The following PCLO variants were observed in gnomAD, a reference collection of about 807,000 sequenced individuals.
The protein encoded by PCLO is protein piccolo.
Under a neutral mutation model 427.5 loss-of-function variants are expected in PCLO, and 82 were observed. The ratio of observed to expected loss-of-function variants is 0.19; its 90% CI spans 0.16 to 0.23. PCLO has a LOEUF of 0.23. Among genes scored for constraint, PCLO ranks in the 10% least tolerant of loss-of-function variants. The pLI, the probability that PCLO is intolerant of heterozygous loss-of-function variation, is 1.00. For synonymous variants in PCLO, 2,357 were observed against 2,155.4 expected, an observed-to-expected ratio of 1.09 and a Z score of -2.59; for missense variants, 6,239 against 6,115.9, an observed-to-expected ratio of 1.02 and a Z score of -0.67.
In PCLO at chr7:83,133,365, A is replaced by G. The variant is rs983665478; in HGVS notation, c.3300+885T>C. 3.3e-5 allele frequency among the ~76,000 whole-genome samples: 5 copies of G among 151,980 alleles called. No homozygotes were observed. In the East Asian group the frequency reaches 9.6e-4, roughly 29 times the overall value. On this transcript the variant is annotated intron_variant, in intron 3 of 24. Transcript: ENST00000333891. The stretch of plus-strand genomic sequence containing the variant: ...AGATTAATTCCCAGACTGTTTATTA[A>G]AACATTGTTGTTACTTATTTAAGAC...
At chr7:83,066,476 G>A (rs547314194) in intron 3 of PCLO, among the ~76,000 whole-genome samples, 2 of 152,136 alleles carry the variant, frequency 1.3e-5, no homozygotes, top group South Asian at 4.1e-4. Flanking sequence ...ATAAATACAA[G>A]TTGAAGAAAA....
intron 3 of PCLO, among the ~76,000 whole-genome samples, chr7:83,131,575 T>G (rs1317832539): frequency 1.3e-5 from 2 of 152,144 alleles, no homozygotes; most frequent in African/African-American, 2.4e-5. Flanking sequence ...GAAGCTTGTA[T>G]TAGAGAGTTG....
At chr7:83,016,523 C>CA (rs1309147190) in intron 3 of PCLO, among the ~76,000 whole-genome samples, 1 of 151,940 alleles carries the variant, frequency 6.6e-6, no homozygotes, top group Non-Finnish European at 1.5e-5. Flanking sequence ...ACCTTGGCTT[C>CA]AAAGGAAGGT....
intron 3 of PCLO, among the ~76,000 whole-genome samples, chr7:82,999,858 T>TAA (rs1424219092): frequency 0.012 from 195 of 16,692 alleles, 63 homozygotes; most frequent in Middle Eastern, 0.029. Flanking sequence ...TATATAATAT[T>TAA]ATATAAAATA....
chr7:82,789,598 G>A (rs1182535441), intron 22 of PCLO, among the ~76,000 whole-genome samples: 3 of 152,074 alleles, frequency 2.0e-5, no homozygotes, highest in South Asian at 2.1e-4. Flanking sequence ...CCAGCTACTC[G>A]GGAGGCTGAG....
chr7:82,999,694 T>C (rs1365446786), intron 3 of PCLO, among the ~76,000 whole-genome samples: 1 of 84,434 alleles, frequency 1.2e-5, no homozygotes, highest in African/African-American at 4.7e-5. Context: ...TAAAATAATA[T>C]ATAATATTAA....
chr7:83,077,098 T>C (rs897268268), intron 3 of PCLO, among the ~76,000 whole-genome samples: 1 of 152,114 alleles, frequency 6.6e-6, no homozygotes, highest in Non-Finnish European at 1.5e-5. Flanking sequence ...AATTCTTTCT[T>C]TTTGACTAAA....
chr7:82,761,753 G>T (rs1382341849), intron 22 of PCLO, among the ~76,000 whole-genome samples: 1 of 149,188 alleles, frequency 6.7e-6, no homozygotes, highest in Admixed American at 6.6e-5. Context: ...TACAGTCCAT[G>T]CCCTTAAGCC....
intron 16 of PCLO, among the ~76,000 whole-genome samples, chr7:82,830,346 G>A (rs1018185516): frequency 3.3e-5 from 5 of 151,668 alleles, no homozygotes; most frequent in African/African-American, 1.2e-4. Context: ...TTTTGATGGT[G>A]ACTTAGAACT....
At chr7:83,038,030 T>TAA (rs1562932988) in intron 3 of PCLO, among the ~76,000 whole-genome samples, 1 of 35,664 alleles carries the variant, frequency 2.8e-5, no homozygotes, top group African/African-American at 2.1e-4. Context: ...TATATATATA[T>TAA]TTATATATTT....
Position 82,916,012 on chromosome 7 carries a change from A to G in PCLO, c.11974T>C (p.Ser3992Pro). ...GAAACAGCAAATGTGTTATCCGTAG[A>G]AACAGGTGCTATCATAAGGGGTTGG... ...RNQPLMIAPV[S>P]TDNTFAVSHL... is the part of the protein sequence containing the mutation. Residue 3992 changes from serine to proline, a missense_variant, in exon 7 of 25, where the codon TCT (serine) becomes CCT (proline). Transcript: ENST00000333891. 6.2e-7 allele frequency: 1 copy of G among 1,612,886 alleles called. No individual in the cohort carries two copies. The highest frequency in any genetic ancestry group is 8.5e-7 in the Non-Finnish European group (1 of 1,179,792).
At position 82,952,768 on chromosome 7, in the gene PCLO, C is replaced by T; in HGVS notation, c.8185G>A (p.Asp2729Asn). The T allele has an allele frequency of 6.2e-7, 1 of 1,613,412 alleles. No homozygotes were observed. Among genetic ancestry groups the T allele is most frequent in the Non-Finnish European group, 8.5e-7 (1 of 1,179,572 alleles). ...GKLQLVGDVIDLRTVPKVEVK... is the reference protein window; with the variant it reads ...GKLQLVGDVINLRTVPKVEVK... ...TCTACCTTTGGTACTGTACGCAAAT[C>T]AATTACATCACCAACAAGTTGCAAT... Residue 2729 changes from aspartate to asparagine, a missense_variant, in exon 5 of 25, where the codon GAT (aspartate) becomes AAT (asparagine). This residue lies in a region of PCLO where 4,677 missense variants were observed against 4,468.4 expected (regional missense o/e 1.05). Transcript: ENST00000333891.
At chr7:82,836,863 C>T (rs2115750266) in intron 15 of PCLO, among the ~76,000 whole-genome samples, 1 of 152,136 alleles carries the variant, frequency 6.6e-6, no homozygotes, top group African/African-American at 2.4e-5. Context: ...TTAAACAAAC[C>T]AACTACAGTA....
At chr7:83,010,670 TCTCC>T (rs1383019040) in intron 3 of PCLO, among the ~76,000 whole-genome samples, 1 of 151,540 alleles carries the variant, frequency 6.6e-6, no homozygotes, top group Non-Finnish European at 1.5e-5. Context: ...TCCTAACTTT[TCTCC>T]CTCCCTCCAG....
Position 83,134,865 on chromosome 7 carries a change from G to A in PCLO, c.2685C>T (p.Ser895=), listed in dbSNP as rs1334327537. ...GCCTTGACTGCTCCTGAGGCTTTGGGGACTGTTGAGGTGTGGGGACAGTTT... is the reference window on the plus strand; with the variant it reads ...GCCTTGACTGCTCCTGAGGCTTTGGAGACTGTTGAGGTGTGGGGACAGTTT... ...AGQTVPTPQQ[S]PKPQEQSRRF... Residue 895 remains serine (S), a synonymous_variant, in exon 3 of 25, where the codon TCC becomes TCT. Transcript: ENST00000333891. 1 of 1,607,992 alleles carries A rather than the reference G, an allele frequency of 6.2e-7. No individual in the cohort carries two copies. The highest frequency in any genetic ancestry group is 1.1e-5 in the South Asian group (1 of 90,138).
chr7:82,787,608 A>G (rs929639772), intron 22 of PCLO, among the ~76,000 whole-genome samples: 2 of 152,194 alleles, frequency 1.3e-5, no homozygotes, highest in Non-Finnish European at 2.9e-5. Context: ...GACGTGCTAG[A>G]CAAATCTCAA....
intron 9 of PCLO, among the ~76,000 whole-genome samples, chr7:82,884,347 C>G (rs910587696): frequency 2.6e-5 from 4 of 152,114 alleles, no homozygotes; most frequent in Non-Finnish European, 5.9e-5. Flanking sequence ...AAAAATGACA[C>G]TGGTATTCTG....
At chr7:82,800,705 C>T (rs1791328635) in intron 22 of PCLO, among the ~76,000 whole-genome samples, 2 of 152,082 alleles carry the variant, frequency 1.3e-5, no homozygotes, top group Non-Finnish European at 2.9e-5. Flanking sequence ...AAGCAATTCT[C>T]CTGCCTCAGC....
rs77016535 is a variant in PCLO, at chr7:83,152,360, C to T, written c.1893+2388G>A. Among the ~76,000 whole-genome samples, 377 of 152,284 alleles carry T rather than the reference C, an allele frequency of 2.5e-3. 2 individuals are homozygous for T. The highest frequency in any genetic ancestry group is 8.3e-3 in the African/African-American group (347 of 41,562). On this transcript the variant is annotated intron_variant, in intron 2 of 24. Transcript: ENST00000333891. ...GGTTGAGAGAAGACTGCATATCTAA[C>T]AAATATTTGATTCTCCCATAGCATT...
Sources: gnomAD v4.1 joint callset for allele counts (sites outside exome capture counted in the v4.1 genomes callset) on GRCh38, gnomAD v4.1.1 for gene constraint, gnomAD v4.1.1 regional missense constraint, MANE v1.5 for transcripts, NCBI Gene and HGNC (gene_info 2026-07-23, HGNC 2026-07-21) for gene names.